NAA35: variants seen among roughly 807,000 people sequenced by gnomAD.
NAA35 encodes MAK10 homolog, amino-acid N-acetyltransferase subunit.
In NAA35, 18 loss-of-function variants were observed where a neutral mutation model predicts 101.7. The observed-to-expected ratio is 0.18, with a 90% CI of 0.12 to 0.26. The LOEUF is 0.26. NAA35 is among the 10% of genes least tolerant of loss of function. The pLI is 1.00. For synonymous variants in NAA35, 267 were observed against 273.1 expected, an observed-to-expected ratio of 0.98 and a Z score of 0.22; for missense variants, 601 against 886.8, an observed-to-expected ratio of 0.68 and a Z score of 4.09.
intron 2 of NAA35, among the ~76,000 whole-genome samples, chr9:85,949,816 A>G (rs1828934046): frequency 6.6e-6 from 1 of 152,148 alleles, no homozygotes; most frequent in Non-Finnish European, 1.5e-5. Flanking sequence ...AACTTTAAAA[A>G]AAAAAAAACA....
chr9:85,956,008 G>GAGA (rs1829258685), intron 2 of NAA35, among the ~76,000 whole-genome samples: 1 of 152,222 alleles, frequency 6.6e-6, no homozygotes, highest in Admixed American at 6.5e-5. Flanking sequence ...TTAAAAACTT[G>GAGA]AGAAGTAGCA....
intron 6 of NAA35, among the ~76,000 whole-genome samples, chr9:85,971,332 G>A (rs1054821906): frequency 2.6e-5 from 4 of 152,048 alleles, no homozygotes; most frequent in African/African-American, 4.8e-5. Flanking sequence ...CGTTAGACCC[G>A]GTTGACACAC....
At chr9:85,943,174 G>A (rs1229506310) in intron 2 of NAA35, among the ~76,000 whole-genome samples, 1 of 152,054 alleles carries the variant, frequency 6.6e-6, no homozygotes, top group Non-Finnish European at 1.5e-5. Context: ...GTTGCTTGAG[G>A]GGAAAGAGTC....
intron 13 of NAA35, among the ~76,000 whole-genome samples, chr9:86,006,951 TAAAA>T (rs770841472): frequency 6.6e-6 from 1 of 152,150 alleles, no homozygotes; most frequent in Non-Finnish European, 1.5e-5. Context: ...GAAATGAACA[TAAAA>T]AATATTAAAA....
intron 3 of NAA35, among the ~76,000 whole-genome samples, chr9:85,958,068 A>G (rs1326158563): frequency 6.6e-6 from 1 of 151,920 alleles, no homozygotes; most frequent in Non-Finnish European, 1.5e-5. Context: ...CAGCCTCCCA[A>G]GTAGCTGGGA....
chr9:85,941,474 C>G, intron 1 of NAA35: 1 of 985,482 alleles, frequency 1.0e-6, no homozygotes, highest in Non-Finnish European at 1.2e-6. Flanking sequence ...GTTGCCGAGG[C>G]GACGACCCGG....
At position 85,955,358 on chromosome 9, in the gene NAA35, ATAT is replaced by A. The variant is rs1217836772; in HGVS notation, c.125-1000_125-998del. Reference sequence around the variant, plus strand: ...TATATATATATATATATATATATATATATTTTTTTTTTTTTTTTTCTTCAGACA... The same window carrying A: ...TATATATATATATATATATATATATATTTTTTTTTTTTTTTTCTTCAGACA... On this transcript the variant is annotated intron_variant, in intron 2 of 22. Coordinates refer to ENST00000361671, the MANE Select transcript of NAA35 (RefSeq NM_024635.4). Among the ~76,000 whole-genome samples the A allele has an allele frequency of 5.2e-3, 247 of 47,568 alleles. 1 individual carries two copies. The highest frequency in any genetic ancestry group is 7.7e-3 in the Non-Finnish European group (201 of 26,270). The allele number at this position is 47,568 out of a possible 152,430, so 31.2% of individuals were successfully genotyped here.
intron 11 of NAA35, among the ~76,000 whole-genome samples, chr9:85,978,764 G>T (rs1375916001): frequency 6.6e-6 from 1 of 152,146 alleles, no homozygotes; most frequent in Non-Finnish European, 1.5e-5. Flanking sequence ...TCCTCCCCGA[G>T]AATTCAGGGA....
chr9:85,963,916 A>G (rs969454936), intron 6 of NAA35, among the ~76,000 whole-genome samples: 1 of 152,208 alleles, frequency 6.6e-6, no homozygotes, highest in Non-Finnish European at 1.5e-5. Flanking sequence ...AATCAGGAGA[A>G]GATAGTTCAC....
At chr9:85,967,548 A>G (rs10114196) in intron 6 of NAA35, among the ~76,000 whole-genome samples, 1 of 151,880 alleles carries the variant, frequency 6.6e-6, no homozygotes, top group Non-Finnish European at 1.5e-5. Flanking sequence ...TGGCTCACGC[A>G]TGTAATTCCA....
rs147458735 is a variant in NAA35 at position 85,956,745 on chromosome 9, G to A, written c.158+352G>A. ...TAAGTGCCTAGATAAAAGTAAATGA[G>A]AATCCCTGTGTCTTAGTCAGTTTAG... On this transcript the variant is annotated intron_variant, in intron 3 of 22. Transcript: ENST00000361671. Among the ~76,000 whole-genome samples, 636 of 152,300 alleles carry A rather than the reference G, an allele frequency of 4.2e-3. 4 individuals carry two copies. Among genetic ancestry groups the A allele is most frequent in the Non-Finnish European group, 3.7e-3 (249 of 68,026 alleles).
Position 86,021,892 on chromosome 9 carries a change from C to A in NAA35, c.2119-9C>A. 2 of 1,609,124 alleles carry A rather than the reference C, an allele frequency of 1.2e-6. No individual in the cohort carries two copies. Among genetic ancestry groups the A allele is most frequent in the South Asian group, 1.1e-5 (1 of 90,764 alleles). On this transcript the variant is annotated splice_polypyrimidine_tract_variant and intron_variant, in intron 22 of 22. Coordinates refer to ENST00000361671, the MANE Select transcript of NAA35 (RefSeq NM_024635.4). Reference sequence around the variant, plus strand: ...GATACATTAATTGAGTTTCGTTTTTCTTTAACAGGTTCCTCCTGAATTTGA... The same window carrying A: ...GATACATTAATTGAGTTTCGTTTTTATTTAACAGGTTCCTCCTGAATTTGA...
intron 6 of NAA35, among the ~76,000 whole-genome samples, chr9:85,964,870 C>G (rs1428517726): frequency 3.3e-5 from 5 of 151,912 alleles, no homozygotes; most frequent in Non-Finnish European, 7.4e-5. Flanking sequence ...TGTTTTTTTC[C>G]CTTTGTATTT....
rs532012609 is a variant in NAA35, at chr9:85,962,081, C to T, written c.417C>T (p.Asp139=). The T allele has an allele frequency of 2.5e-6, 4 of 1,614,012 alleles. No individual in the cohort carries two copies. In the Admixed American group the frequency reaches 6.7e-5, roughly 27 times the overall value. The change falls in exon 6 of 23, where the codon GAC becomes GAT. Residue 139 remains aspartate (D), a synonymous_variant. Transcript: ENST00000361671. ...VFTCLYIHNP[D]FIEDPAMKAF... ...CGTGCCTTTACATTCATAATCCAGA[C>T]TTTATAGAAGATCCTGCTATGAAGG... is the stretch of plus-strand genomic sequence containing the variant.
intron 6 of NAA35, among the ~76,000 whole-genome samples, chr9:85,971,873 C>T (rs1050902347): frequency 4.0e-5 from 6 of 151,480 alleles, no homozygotes; most frequent in Non-Finnish European, 7.4e-5. Context: ...TTACTCTCCC[C>T]ACTGTTGCAA....
intron 11 of NAA35, among the ~76,000 whole-genome samples, chr9:85,980,647 A>C (rs559730786): frequency 6.6e-6 from 1 of 151,708 alleles, no homozygotes; most frequent in African/African-American, 2.4e-5. Context: ...TAGGCCAGGC[A>C]CTCTCTTCTT....
chr9:86,000,813 C>A (rs565072474), intron 12 of NAA35, among the ~76,000 whole-genome samples: 1 of 151,910 alleles, frequency 6.6e-6, no homozygotes, highest in South Asian at 2.1e-4. Context: ...AGCTGGTGGC[C>A]TATTTTATTT....
chr9:85,994,091 G>C (rs1253373057), intron 11 of NAA35, among the ~76,000 whole-genome samples: 2 of 152,006 alleles, frequency 1.3e-5, no homozygotes, highest in Non-Finnish European at 2.9e-5. Context: ...CCAATGACTA[G>C]GGTATAATAT....
chr9:86,013,158 T>G lies in NAA35; in HGVS notation c.1389+14T>G. The G allele has an allele frequency of 6.6e-7, 1 of 1,508,290 alleles. No homozygotes were observed. The highest frequency in any genetic ancestry group is 9.1e-7 in the Non-Finnish European group (1 of 1,094,832). 93.4% of individuals were successfully genotyped at this position (1,508,290 alleles called of 1,614,324 possible). ...TTGCAGGATGAGGTAAGAGCCAGGTTCCCCTCTCTTCTAAAATTAAATGAT... is the reference window on the plus strand; with the variant it reads ...TTGCAGGATGAGGTAAGAGCCAGGTGCCCCTCTCTTCTAAAATTAAATGAT... On this transcript the variant is annotated intron_variant, in intron 16 of 22. Coordinates refer to ENST00000361671, the MANE Select transcript of NAA35 (RefSeq NM_024635.4).
Sources: gnomAD v4.1 joint callset for allele counts (sites outside exome capture counted in the v4.1 genomes callset) on GRCh38, gnomAD v4.1.1 for gene constraint, MANE v1.5 for transcripts, NCBI Gene and HGNC (gene_info 2026-07-23, HGNC 2026-07-21) for gene names.